The following PARP6 variants were observed in gnomAD, a reference collection of about 807,000 sequenced individuals.
PARP6 encodes poly(ADP-ribose) polymerase family member 6, also known as protein mono-ADP-ribosyltransferase PARP6.
In PARP6, 27 loss-of-function variants were observed where a neutral mutation model predicts 92.0. The observed-to-expected ratio is 0.29, with a 90% CI of 0.22 to 0.40. The LOEUF (loss-of-function observed/expected upper bound fraction) is 0.40, where lower values mean the gene tolerates loss of function less well. PARP6 is among the 10% of genes least tolerant of loss of function. PARP6 has a pLI of 1.00. For missense variants in PARP6, 501 were observed against 784.5 expected (o/e 0.64, Z 4.32); for synonymous variants, 272 against 281.2 (o/e 0.97, Z 0.33).
chr15:72,271,535 G>A (rs1248733429), intron 1 of PARP6, among the ~76,000 whole-genome samples: 1 of 152,126 alleles, frequency 6.6e-6, no homozygotes, highest in Non-Finnish European at 1.5e-5. Context: ...CCGGAAACGT[G>A]GCCTAATTCA....
rs1323741153 is a variant in PARP6 at position 72,242,174 on chromosome 15, C to G, written c.1688G>C (p.Cys563Ser). The G allele has an allele frequency of 1.2e-6, 2 of 1,613,998 alleles. No homozygotes were observed. Among genetic ancestry groups the G allele is most frequent in the South Asian group, 1.1e-5 (1 of 91,068 alleles). Residue 563 changes from cysteine to serine, a missense_variant, in exon 22 of 24, where the codon TGT becomes TCT. Coordinates refer to ENST00000569795, the MANE Select transcript of PARP6 (RefSeq NM_001323532.2). The surrounding 1 kb of genome is among the most constrained non-coding windows in gnomAD (Gnocchi z 4.3). The stretch of plus-strand genomic sequence containing the variant: ...CTACCTACCTTCACAAAGTGCTATA[C>G]AGTTTAGATTCCGACTCTGCAGGAA... Reference protein sequence around the residue: ...SRFLQSRNLNCIALCEVITSK... With the variant: ...SRFLQSRNLNSIALCEVITSK...
At chr15:72,266,881 G>A in intron 3 of PARP6, 59 bp from the exon 4 acceptor site, 1 of 1,275,936 alleles carries the variant, frequency 7.8e-7, no homozygotes, top group African/African-American at 1.5e-5. Context: ...CCATGGAAAG[G>A]CGTGGGATGA....
intron 5 of PARP6, among the ~76,000 whole-genome samples, chr15:72,265,688 T>C (rs1200757916): frequency 6.6e-6 from 1 of 152,220 alleles, no homozygotes; most frequent in African/African-American, 2.4e-5. Flanking sequence ...GTGAAACTAC[T>C]GGCCCAGAGG....
At chr15:72,254,194 C>CAAAATTCTTA (rs1430653109) in intron 15 of PARP6, 1 of 529,312 alleles carries the variant, frequency 1.9e-6, no homozygotes, top group Non-Finnish European at 3.4e-6. Flanking sequence ...AGAATTATGG[C>CAAAATTCTTA]AAAACATTAA....
At position 72,254,378 on chromosome 15, in the gene PARP6, C is replaced by T. The variant is rs2084782386; in HGVS notation, c.1191+77G>A. 19 of 1,032,174 alleles carry T rather than the reference C, an allele frequency of 1.8e-5. No individual in the cohort carries two copies. The South Asian group carries it at 2.5e-4, about 14-fold the overall frequency. 63.9% of individuals were successfully genotyped at this position (1,032,174 alleles called of 1,614,324 possible). A position where few individuals can be genotyped will look rare whatever the true frequency, so the allele number is the denominator to read the frequency against. ...GTAGCATCTCTAAATCTTCATCCCACTCCCACAAATTACCAACAGAATAGG... is the reference window on the plus strand; with the variant it reads ...GTAGCATCTCTAAATCTTCATCCCATTCCCACAAATTACCAACAGAATAGG... On this transcript the variant is annotated intron_variant, in intron 15 of 23. Coordinates refer to ENST00000569795, the MANE Select transcript of PARP6 (RefSeq NM_001323532.2).
intron 9 of PARP6, 127 bp from the exon 10 acceptor site, chr15:72,260,815 A>G (rs2085773501): frequency 1.4e-6 from 1 of 720,338 alleles, no homozygotes; most frequent in Non-Finnish European, 2.5e-6. Context: ...ATATCTGAGG[A>G]AAGTTGCATT....
chr15:72,248,856 T>C (rs915298334), intron 20 of PARP6, among the ~76,000 whole-genome samples: 1 of 152,182 alleles, frequency 6.6e-6, no homozygotes, highest in Non-Finnish European at 1.5e-5. Context: ...TATAAGCCAA[T>C]GGAAAGGACG....
intron 20 of PARP6, among the ~76,000 whole-genome samples, chr15:72,248,852 C>T: frequency 6.6e-6 from 1 of 152,106 alleles, no homozygotes; most frequent in East Asian, 1.9e-4. Flanking sequence ...GAAATATAAG[C>T]CAATGGAAAG....
intron 1 of PARP6, among the ~76,000 whole-genome samples, chr15:72,271,742 G>C (rs528870511): frequency 6.6e-6 from 1 of 152,204 alleles, no homozygotes; most frequent in Non-Finnish European, 1.5e-5. Context: ...ATCTAAATGA[G>C]GTAAAGAATG....
intron 16 of PARP6, among the ~76,000 whole-genome samples, chr15:72,252,350 TC>T (rs1455706270): frequency 1.3e-5 from 2 of 152,220 alleles, no homozygotes; most frequent in Non-Finnish European, 2.9e-5. Context: ...GTAATATTCT[TC>T]AAAATCACTG....
Position 72,241,893 on chromosome 15 carries a change from A to G in PARP6, c.1790+8T>C. ...TCGAGTAATCCCCAGAGTCCCTCCGACACTTACACAAAGAAGAATCTTGTG... is the reference window on the plus strand; with the variant it reads ...TCGAGTAATCCCCAGAGTCCCTCCGGCACTTACACAAAGAAGAATCTTGTG... On this transcript the variant is annotated splice_region_variant and intron_variant, in intron 23 of 23. Transcript: ENST00000569795. The surrounding 1 kb of genome is among the most constrained non-coding windows in gnomAD (Gnocchi z 4.1). The G allele has an allele frequency of 6.2e-7, 1 of 1,603,772 alleles. No individual in the cohort carries two copies. The highest frequency in any genetic ancestry group is 1.7e-5 in the Admixed American group (1 of 60,014).
chr15:72,261,097 C>T (rs1452669218), intron 9 of PARP6, among the ~76,000 whole-genome samples: 3 of 152,168 alleles, frequency 2.0e-5, no homozygotes, highest in African/African-American at 7.2e-5. Flanking sequence ...ATCTGACTGT[C>T]AACAATGATT....
rs768415375 is a variant in PARP6, at chr15:72,267,541, C to T, written c.-64G>A. The T allele has an allele frequency of 1.2e-4, 189 of 1,588,958 alleles. No homozygotes were observed. The highest frequency in any genetic ancestry group is 1.4e-4 in the Non-Finnish European group (167 of 1,157,470). ...GGCAGCACCCCTCCATACCACTAGC[C>T]GAACCAAGGCCAACGAGATGGGCAT... On this transcript the variant is annotated 5_prime_UTR_variant, in exon 3 of 24. Transcript: ENST00000569795.
At chr15:72,267,980 G>A (rs1035469229) in intron 2 of PARP6, among the ~76,000 whole-genome samples, 10 of 152,188 alleles carry the variant, frequency 6.6e-5, no homozygotes, top group African/African-American at 2.4e-4. Flanking sequence ...TCGAACTCCC[G>A]ACTTCAGGTG....
rs2083027105 is a variant in PARP6, at chr15:72,241,328, T to C, written c.*127A>G. 1 of 732,242 alleles carries C rather than the reference T, an allele frequency of 1.4e-6. No homozygotes were observed. The highest frequency in any genetic ancestry group is 2.5e-6 in the Non-Finnish European group (1 of 404,782). 45.4% of individuals were successfully genotyped at this position (732,242 alleles called of 1,614,324 possible). A position where few individuals can be genotyped will look rare whatever the true frequency, so the allele number is the denominator to read the frequency against. ...TACCATGAAGGCCACCTCTTACATA[T>C]CCTTTTCCTGCCCCTTGGTAATGGC... On this transcript the variant is annotated 3_prime_UTR_variant, in exon 24 of 24. Transcript: ENST00000569795. This position sits in a 1 kb window ranked among gnomAD's most constrained non-coding sequence, Gnocchi z 4.1.
At chr15:72,268,644 G>A (rs1567247596) in intron 2 of PARP6, among the ~76,000 whole-genome samples, 1 of 152,158 alleles carries the variant, frequency 6.6e-6, no homozygotes, top group African/African-American at 2.4e-5. Context: ...ATTGCAGTGA[G>A]CCTAGATCAC....
intron 20 of PARP6, among the ~76,000 whole-genome samples, chr15:72,248,113 T>A (rs951138672): frequency 6.6e-6 from 1 of 152,166 alleles, no homozygotes; most frequent in Non-Finnish European, 1.5e-5. Context: ...TTGTACTGCT[T>A]TTTTTGGTCA....
At chr15:72,270,555 G>A (rs2087264268) in intron 2 of PARP6, among the ~76,000 whole-genome samples, 1 of 151,846 alleles carries the variant, frequency 6.6e-6, no homozygotes, top group African/African-American at 2.4e-5. Context: ...CCCACTATAG[G>A]GCCTTCATCT....
Position 72,265,395 on chromosome 15 carries a change from G to A in PARP6, c.237+18C>T. The A allele has an allele frequency of 6.2e-7, 1 of 1,605,616 alleles. No individual in the cohort carries two copies. Among genetic ancestry groups the A allele is most frequent in the South Asian group, 1.1e-5 (1 of 90,914 alleles). ...AGTCCAGCTAGACATGTTGTTGGCAGGTACTAGCCCCACTTACATCGAGGA... is the reference window on the plus strand; with the variant it reads ...AGTCCAGCTAGACATGTTGTTGGCAAGTACTAGCCCCACTTACATCGAGGA... On this transcript the variant is annotated intron_variant, in intron 6 of 23. Coordinates refer to ENST00000569795, the MANE Select transcript of PARP6 (RefSeq NM_001323532.2).
Sources: gnomAD v4.1 joint callset for allele counts (sites outside exome capture counted in the v4.1 genomes callset) on GRCh38, gnomAD v4.1.1 for gene constraint, Gnocchi (gnomAD v3.1) non-coding constraint, MANE v1.5 for transcripts, NCBI Gene and HGNC (gene_info 2026-07-23, HGNC 2026-07-21) for gene names.